The following ANKHD1 variants were observed in gnomAD, a reference collection of about 807,000 sequenced individuals.
ANKHD1 encodes the protein ankyrin repeat and KH domain containing 1.
In ANKHD1, 31 loss-of-function variants were observed where a neutral mutation model predicts 230.5. That is an observed-to-expected ratio of 0.13 (90% CI 0.10 to 0.18). The LOEUF is 0.18. Among genes scored for constraint, ANKHD1 ranks in the 10% least tolerant of loss-of-function variants. The pLI, the probability that ANKHD1 is intolerant of heterozygous loss-of-function variation, is 1.00. For synonymous variants in ANKHD1, 1,074 were observed against 1,117.6 expected (o/e 0.96, Z 0.78); for missense variants, 2,256 against 3,071.3 (o/e 0.73, Z 6.27).
At chr5:140,472,724 T>G (rs1169365920) in intron 10 of ANKHD1, among the ~76,000 whole-genome samples, 1 of 152,156 alleles carries the variant, frequency 6.6e-6, no homozygotes, top group East Asian at 1.9e-4. Context: ...AAAAAATTAG[T>G]TTAGCAAAAC....
Position 140,523,380 on chromosome 5 carries a change from T to A in ANKHD1, c.4318-686T>A, listed in dbSNP as rs1287375108. ...TCCTCAGTCTCCCAAAGTGCTTGTA[T>A]TACAGGCGTGAGCCACCATGCCCAG... On this transcript the variant is annotated intron_variant, in intron 24 of 33. Transcript: ENST00000360839. Among the ~76,000 whole-genome samples the A allele has an allele frequency of 6.6e-5, 10 of 152,240 alleles. No homozygotes were observed. In the East Asian group the frequency reaches 1.9e-3, roughly 29 times the overall value.
At chr5:140,419,133 TTC>T (rs1323910107) in intron 1 of ANKHD1, among the ~76,000 whole-genome samples, 12 of 151,826 alleles carry the variant, frequency 7.9e-5, no homozygotes, top group South Asian at 4.2e-4. Flanking sequence ...TTTCTTTCTT[TTC>T]TCTCTTTTTT....
In ANKHD1 at chr5:140,507,075, G is replaced by A. The variant is rs538004605; in HGVS notation, c.3551+98G>A. 18 of 1,516,346 alleles carry A rather than the reference G, an allele frequency of 1.2e-5. 1 individual carries two copies. Among genetic ancestry groups the A allele is most frequent in the East Asian group, 2.3e-5 (1 of 43,968 alleles). The allele number at this position is 1,516,346 out of a possible 1,614,324, so 93.9% of individuals were successfully genotyped here. ...TTTAGACAGATACATTTTAAATTAA[G>A]ATAGTACTAAAGTTGCAAAGCCAAC... On this transcript the variant is annotated intron_variant, in intron 19 of 33. Coordinates refer to ENST00000360839, the MANE Select transcript of ANKHD1 (RefSeq NM_017747.3). The surrounding 1 kb of genome is among the most constrained non-coding windows in gnomAD (Gnocchi z 4.1).
At chr5:140,470,492 T>C (rs1776409599) in intron 10 of ANKHD1, among the ~76,000 whole-genome samples, 1 of 151,808 alleles carries the variant, frequency 6.6e-6, no homozygotes, top group Non-Finnish European at 1.5e-5. Context: ...GTCTCCCTCA[T>C]CTCGCTTGTT....
At chr5:140,456,475 A>C (rs992009994) in intron 7 of ANKHD1, among the ~76,000 whole-genome samples, 6 of 152,240 alleles carry the variant, frequency 3.9e-5, no homozygotes, top group African/African-American at 1.4e-4. Context: ...ACAAGGCTAC[A>C]GTAACCAAAA....
intron 11 of ANKHD1, among the ~76,000 whole-genome samples, chr5:140,483,900 GAAAT>G (rs1751397065): frequency 6.6e-6 from 1 of 152,080 alleles, no homozygotes; most frequent in African/African-American, 2.4e-5. Flanking sequence ...CAACCACACA[GAAAT>G]AAATAGATGG....
chr5:140,432,418 G>A (rs1189221356), intron 1 of ANKHD1, among the ~76,000 whole-genome samples: 1 of 152,100 alleles, frequency 6.6e-6, no homozygotes, highest in Non-Finnish European at 1.5e-5. Context: ...TCCTTTTGAT[G>A]GCTGCATAAT....
At chr5:140,530,747 A>G (rs1486322973) in intron 29 of ANKHD1, among the ~76,000 whole-genome samples, 1 of 152,270 alleles carries the variant, frequency 6.6e-6, no homozygotes, top group African/African-American at 2.4e-5. Context: ...CTGAAAAACA[A>G]ATTAAAAATG....
Position 140,449,284 on chromosome 5 carries a change from T to A in ANKHD1, c.1221T>A (p.Thr407=), listed in dbSNP as rs1029582095. 1.9e-6 allele frequency: 3 copies of A among 1,613,584 alleles called. No homozygotes were observed. The Admixed American group carries it at 5.0e-5, about 27-fold the overall frequency. ...DQEHKTDEMH[T]ALMEACMDGH... is the part of the protein sequence containing the mutation. ...AGCACAAAACAGATGAGATGCACAC[T>A]GCCTTAATGGAGGCCTGCATGGTAA... is the stretch of plus-strand genomic sequence containing the variant. Residue 407 remains threonine (T), a synonymous_variant, in exon 7 of 34, where the codon ACT becomes ACA. Coordinates refer to ENST00000360839, the MANE Select transcript of ANKHD1 (RefSeq NM_017747.3).
intron 10 of ANKHD1, among the ~76,000 whole-genome samples, chr5:140,467,123 T>C (rs1256711710): frequency 6.6e-6 from 1 of 152,164 alleles, no homozygotes; most frequent in Admixed American, 6.5e-5. Context: ...TCTTGTGTTC[T>C]ATCATAATCT....
intron 1 of ANKHD1, among the ~76,000 whole-genome samples, chr5:140,414,417 G>A (rs556561207): frequency 2.6e-5 from 4 of 152,180 alleles, no homozygotes; most frequent in African/African-American, 9.6e-5. Context: ...GTATTTCATT[G>A]GGGTTTTGAT....
At chr5:140,452,931 G>C (rs372525037) in intron 7 of ANKHD1, among the ~76,000 whole-genome samples, 115 of 152,308 alleles carry the variant, frequency 7.6e-4, no homozygotes, top group African/African-American at 2.7e-3. Context: ...AGCTAAAGGA[G>C]GAAGTTCGAA....
chr5:140,442,102 C>T (rs572908593), intron 5 of ANKHD1, among the ~76,000 whole-genome samples: 2 of 144,234 alleles, frequency 1.4e-5, no homozygotes, highest in Admixed American at 7.1e-5. Context: ...TGCAGTGGCA[C>T]GATCTTGGCT....
intron 1 of ANKHD1, among the ~76,000 whole-genome samples, chr5:140,422,776 C>T (rs1443779588): frequency 2.0e-5 from 3 of 150,438 alleles, no homozygotes; most frequent in Non-Finnish European, 4.4e-5. Flanking sequence ...CACCATTGCA[C>T]TCCAGCCTGG....
chr5:140,530,216 T>C (rs1753752185), intron 29 of ANKHD1, among the ~76,000 whole-genome samples: 1 of 152,030 alleles, frequency 6.6e-6, no homozygotes, highest in Non-Finnish European at 1.5e-5. Context: ...TTTATTATTT[T>C]ATTTTATTTT....
At chr5:140,470,285 G>C (rs372281688) in intron 10 of ANKHD1, among the ~76,000 whole-genome samples, 1 of 151,200 alleles carries the variant, frequency 6.6e-6, no homozygotes, top group East Asian at 1.9e-4. Context: ...AATACTTTCT[G>C]TCTGAAGACT....
chr5:140,518,019 G>C (rs984848697), intron 24 of ANKHD1, among the ~76,000 whole-genome samples: 1 of 151,950 alleles, frequency 6.6e-6, no homozygotes, highest in Non-Finnish European at 1.5e-5. Context: ...TTTTTGAAAG[G>C]ATCAACAAAA....
chr5:140,477,679 T>C (rs1480973117), intron 10 of ANKHD1, among the ~76,000 whole-genome samples: 2 of 152,236 alleles, frequency 1.3e-5, no homozygotes, highest in Non-Finnish European at 2.9e-5. Flanking sequence ...TGGTGCCATC[T>C]TAGCTCACTG....
At chr5:140,452,388 G>A (rs375464070) in intron 7 of ANKHD1, among the ~76,000 whole-genome samples, 6 of 152,248 alleles carry the variant, frequency 3.9e-5, no homozygotes, top group East Asian at 3.9e-4. Context: ...CTCCAAGCAC[G>A]GAGTTTGAGA....
Sources: allele counts gnomAD v4.1 joint callset (sites outside exome capture counted in the v4.1 genomes callset), GRCh38; gene constraint gnomAD v4.1.1; non-coding constraint Gnocchi (gnomAD v3.1); transcripts MANE v1.5; gene names NCBI Gene and HGNC (gene_info 2026-07-23, HGNC 2026-07-21).